The following ZC3HAV1L variants were observed in gnomAD, a reference collection of about 807,000 sequenced individuals.
ZC3HAV1L encodes the protein ZC3HAV1 like, also known as zinc finger CCCH-type antiviral protein 1-like.
ZC3HAV1L carries 23 observed loss-of-function variants against 28.2 expected under a neutral mutation model. The observed-to-expected ratio is 0.82, with a 90% CI of 0.59 to 1.16. ZC3HAV1L has a LOEUF of 1.16. ZC3HAV1L is among the 50% of genes most tolerant of loss of function. The probability of loss-of-function intolerance (pLI) is 0.00; values close to 1 mark genes in which losing one functional copy is unlikely to be tolerated. For synonymous variants in ZC3HAV1L, 180 were observed against 163.4 expected, an observed-to-expected ratio of 1.10 and a Z score of -0.78; for missense variants, 376 against 387.7, an observed-to-expected ratio of 0.97 and a Z score of 0.25.
chr7:139,025,309 G>A (rs147675404), downstream of ZC3HAV1L, among the ~76,000 whole-genome samples: 593 of 152,172 alleles, frequency 3.9e-3, 4 homozygotes, highest in African/African-American at 0.013. Context: ...TTAACTGGGC[G>A]TGGTGGCTCA....
In ZC3HAV1L at chr7:139,028,859, T is replaced by C. The variant is rs752863025; in HGVS notation, c.603A>G (p.Glu201=). ...FHVCKSFVKG[E]CKLQTCKRSH... The stretch of plus-strand genomic sequence containing the variant: ...ACCGTTTGCAGGTCTGAAGTTTGCA[T>C]TCTCCTTTCACAAAGGATTTGCACA... Residue 201 remains glutamate, a synonymous_variant, in exon 3 of 5, where the codon GAA becomes GAG. Coordinates refer to ENST00000275766, the MANE Select transcript of ZC3HAV1L (RefSeq NM_080660.4). 1.2e-6 allele frequency: 2 copies of C among 1,614,122 alleles called. No individual in the cohort carries two copies. The highest frequency in any genetic ancestry group is 2.7e-5 in the African/African-American group (2 of 74,942).
intron 2 of ZC3HAV1L, among the ~76,000 whole-genome samples, chr7:139,031,877 C>T (rs1471881144): frequency 6.6e-6 from 1 of 152,004 alleles, no homozygotes; most frequent in African/African-American, 2.4e-5. Flanking sequence ...TGCACTCCAG[C>T]CTGGGCGATA....
At chr7:139,033,659 G>A (rs1584822582) in intron 2 of ZC3HAV1L, 1 of 932,372 alleles carries the variant, frequency 1.1e-6, no homozygotes, top group Non-Finnish European at 1.3e-6. Flanking sequence ...GACAAGGTGA[G>A]GCTGGGCCCA....
intron 2 of ZC3HAV1L, 25 bp downstream of exon 2, chr7:139,034,518 T>G (rs1207060766): frequency 2.5e-6 from 4 of 1,610,940 alleles, no homozygotes; most frequent in Non-Finnish European, 3.4e-6. Context: ...AAATGTGACA[T>G]GAGGGTGACT....
chr7:139,025,507 G>A (rs1815330249), downstream of ZC3HAV1L, among the ~76,000 whole-genome samples: 1 of 151,466 alleles, frequency 6.6e-6, no homozygotes, highest in African/African-American at 2.4e-5. Context: ...GAACCCAAAG[G>A]TTATATACTC....
rs1390350626 is a variant in ZC3HAV1L, at chr7:139,026,121, CA to C, written c.*422del. 1.1e-5 allele frequency: 2 copies of C among 175,298 alleles called. No individual in the cohort carries two copies. Among genetic ancestry groups the C allele is most frequent in the Non-Finnish European group, 1.2e-5 (1 of 84,492 alleles). The allele number at this position is 175,298 out of a possible 1,614,324, so 10.9% of individuals were successfully genotyped here. Reference sequence around the variant, plus strand: ...CTGCACTCCAGCCTGGGCAACAGAGCAAGACCATCTCAAAAAAAAAAACTGT... The same window carrying C: ...CTGCACTCCAGCCTGGGCAACAGAGCAGACCATCTCAAAAAAAAAAACTGT... On this transcript the variant is annotated 3_prime_UTR_variant, in exon 5 of 5. Coordinates refer to ENST00000275766, the MANE Select transcript of ZC3HAV1L (RefSeq NM_080660.4).
downstream of ZC3HAV1L, chr7:139,022,460 G>A: frequency 2.5e-6 from 1 of 394,116 alleles, no homozygotes; most frequent in South Asian, 1.9e-5. Context: ...GCAAGAGGAT[G>A]GCTTGAGCCT....
At chr7:139,030,830 ATAATTAAT>A (rs60141592) in intron 2 of ZC3HAV1L, among the ~76,000 whole-genome samples, 7 of 49,946 alleles carry the variant, frequency 1.4e-4, no homozygotes, top group African/African-American at 3.1e-4. Flanking sequence ...AAAAATAATA[ATAATTAAT>A]TAATTAATTA....
intron 2 of ZC3HAV1L, among the ~76,000 whole-genome samples, chr7:139,031,219 T>C (rs1028807173): frequency 4.6e-5 from 7 of 151,980 alleles, no homozygotes; most frequent in African/African-American, 1.7e-4. Flanking sequence ...AGACCAAGGA[T>C]GGCAAATTGC....
At chr7:139,034,778 A>C in intron 1 of ZC3HAV1L, 100 bp from the exon 2 acceptor site, 4 of 1,490,134 alleles carry the variant, frequency 2.7e-6, no homozygotes, top group Non-Finnish European at 3.6e-6. Flanking sequence ...ATACATGTGA[A>C]GTTGAGTAAT....
chr7:139,034,558 G>A lies in ZC3HAV1L; in HGVS notation c.486C>T (p.Pro162=), dbSNP rs1395060379. The A allele has an allele frequency of 1.2e-6, 2 of 1,614,050 alleles. No individual in the cohort carries two copies. The highest frequency in any genetic ancestry group is 1.7e-6 in the Non-Finnish European group (2 of 1,180,018). ...QLRILLLQND[P]CLLPEVCLLY... ...GGTGACTCACCTCTGGTAAAAGACAGGGGTCATTCTGCAAAAGCAGGATCC... is the reference window on the plus strand; with the variant it reads ...GGTGACTCACCTCTGGTAAAAGACAAGGGTCATTCTGCAAAAGCAGGATCC... Residue 162 remains proline (P), a synonymous_variant, in exon 2 of 5, where the codon CCC becomes CCT. Transcript: ENST00000275766.
At chr7:139,031,110 T>G (rs1815518162) in intron 2 of ZC3HAV1L, among the ~76,000 whole-genome samples, 1 of 152,206 alleles carries the variant, frequency 6.6e-6, no homozygotes, top group Non-Finnish European at 1.5e-5. Flanking sequence ...ATTTAAGTGA[T>G]TCTAAAGCTT....
chr7:139,027,894 A>G (rs992509899), intron 3 of ZC3HAV1L, among the ~76,000 whole-genome samples: 1 of 152,250 alleles, frequency 6.6e-6, no homozygotes, highest in Non-Finnish European at 1.5e-5. Flanking sequence ...GATTAGAGTG[A>G]GCAAAATCAT....
At chr7:139,032,946 G>A (rs188026655) in intron 2 of ZC3HAV1L, among the ~76,000 whole-genome samples, 2 of 152,182 alleles carry the variant, frequency 1.3e-5, no homozygotes, top group Admixed American at 1.3e-4. Context: ...AGTGGCTCAC[G>A]CCTGTAATCC....
intron 3 of ZC3HAV1L, among the ~76,000 whole-genome samples, chr7:139,028,135 G>C (rs1358444375): frequency 2.0e-5 from 3 of 152,048 alleles, no homozygotes; most frequent in Non-Finnish European, 4.4e-5. Flanking sequence ...AGCACTTTGG[G>C]AGGCCAAGGC....
At chr7:139,035,553 G>A (rs1010568418) in intron 1 of ZC3HAV1L, 100 bp downstream of exon 1, 106 of 1,323,516 alleles carry the variant, frequency 8.0e-5, no homozygotes, top group Non-Finnish European at 9.8e-5. Flanking sequence ...TCCCCGGCCC[G>A]GGGCAGGACG....
At chr7:139,034,234 A>G (rs962996753) in intron 2 of ZC3HAV1L, 38 of 942,946 alleles carry the variant, frequency 4.0e-5, no homozygotes, top group Non-Finnish European at 4.5e-5. Flanking sequence ...GGCCAAGTGG[A>G]GGTGTCTATG....
At chr7:139,029,878 A>T (rs923413124) in intron 2 of ZC3HAV1L, among the ~76,000 whole-genome samples, 2 of 152,202 alleles carry the variant, frequency 1.3e-5, no homozygotes, top group African/African-American at 4.8e-5. Flanking sequence ...CACTGGGACA[A>T]CTAATATAAA....
rs1039429642 is a variant in ZC3HAV1L at position 139,035,797 on chromosome 7, C to T, written c.221G>A (p.Gly74Asp). 3 of 1,489,336 alleles carry T rather than the reference C, an allele frequency of 2.0e-6. No individual in the cohort carries two copies. The highest frequency in any genetic ancestry group is 2.5e-5 in the South Asian group (2 of 78,536). 92.3% of individuals were successfully genotyped at this position (1,489,336 alleles called of 1,614,324 possible). A position where few individuals can be genotyped will look rare whatever the true frequency, so the allele number is the denominator to read the frequency against. The change falls in exon 1 of 5, where the codon GGT becomes GAT. Residue 74 changes from glycine to aspartate, a missense_variant. Gly to Asp is a moderately conservative substitution (Grantham distance 94, BLOSUM62 -1). Coordinates refer to ENST00000275766, the MANE Select transcript of ZC3HAV1L (RefSeq NM_080660.4). The part of the protein sequence containing the change: ...EAEAAAGAVG[G>D]GGTSAWRVVA... Reference sequence around the variant, plus strand: ...CACCCTCCAGGCGGAGGTGCCGCCACCGCCCACCGCGCCGGCCGCCGCCTC... The same window carrying T: ...CACCCTCCAGGCGGAGGTGCCGCCATCGCCCACCGCGCCGGCCGCCGCCTC...
Sources: gnomAD v4.1 joint callset for allele counts (sites outside exome capture counted in the v4.1 genomes callset) on GRCh38, gnomAD v4.1.1 for gene constraint, MANE v1.5 for transcripts, NCBI Gene and HGNC (gene_info 2026-07-23, HGNC 2026-07-21) for gene names.